Variants in CHRAC1 observed in about 807,000 individuals in gnomAD.
CHRAC1 encodes chromatin accessibility complex protein 1.
In CHRAC1, 6 loss-of-function variants were observed where a neutral mutation model predicts 9.1. That is an observed-to-expected ratio of 0.66 (90% CI 0.36 to 1.29). CHRAC1 has a LOEUF of 1.29. Ranked by LOEUF, CHRAC1 falls within the 50% of genes most tolerant of loss-of-function variation. The probability of loss-of-function intolerance (pLI) is 0.03; values close to 1 mark genes in which losing one functional copy is unlikely to be tolerated. For synonymous variants in CHRAC1, 73 were observed against 64.5 expected, an observed-to-expected ratio of 1.13 and a Z score of -0.63; for missense variants, 168 against 163.5, an observed-to-expected ratio of 1.03 and a Z score of -0.15.
chr8:140,512,276 G>A (rs1451653871), intron 1 of CHRAC1, among the ~76,000 whole-genome samples: 3 of 152,060 alleles, frequency 2.0e-5, no homozygotes, highest in African/African-American at 2.4e-5. Flanking sequence ...AGGGGCAGCC[G>A]GGCGCTTCAC....
Position 140,514,489 on chromosome 8 carries a change from C to A in CHRAC1, c.268C>A (p.Leu90Ile). 1 of 1,554,230 alleles carries A rather than the reference C, an allele frequency of 6.4e-7. No individual in the cohort carries two copies. The highest frequency in any genetic ancestry group is 1.3e-5 in the South Asian group (1 of 79,970). Reference sequence around the variant, plus strand: ...ACAGCAATCAGAAACTTTTCAGTTTCTTGCAGGTACTTAGTCTTTGAAACA... The same window carrying A: ...ACAGCAATCAGAAACTTTTCAGTTTATTGCAGGTACTTAGTCTTTGAAACA... Reference protein sequence around the residue: ...TAQQSETFQFLADILPKKILA... With the variant: ...TAQQSETFQFIADILPKKILA... The change falls in exon 2 of 3, where the codon CTT becomes ATT. Residue 90 changes from leucine to isoleucine, a missense_variant. Coordinates refer to ENST00000220913, the MANE Select transcript of CHRAC1 (RefSeq NM_017444.6).
intron 1 of CHRAC1, among the ~76,000 whole-genome samples, chr8:140,512,213 T>C (rs1331875921): frequency 6.6e-6 from 1 of 152,100 alleles, no homozygotes; most frequent in Non-Finnish European, 1.5e-5. Flanking sequence ...CTTTTTCTTG[T>C]CACTGGACTG....
intron 1 of CHRAC1, 92 bp downstream of exon 1, chr8:140,511,738 G>A: frequency 8.7e-7 from 1 of 1,147,496 alleles, no homozygotes. Context: ...TTAGGCCCGC[G>A]CGCCGCCGGC....
chr8:140,511,461 GGCCCGCCGGCTGCGGGCACCC>G lies in CHRAC1; in HGVS notation c.-36_-16del. On this transcript the variant is annotated 5_prime_UTR_variant, in exon 1 of 3. Coordinates refer to ENST00000220913, the MANE Select transcript of CHRAC1 (RefSeq NM_017444.6). ...GGGCAGGGCAGCCACTTCGCGGTCG[GGCCCGCCGGCTGCGGGCACCC>G]GCGCGACGGGCGGGAAGATGGCGGA... is the stretch of plus-strand genomic sequence containing the variant. 1 of 1,306,476 alleles carries G rather than the reference GGCCCGCCGGCTGCGGGCACCC, an allele frequency of 7.7e-7. No homozygotes were observed. The highest frequency in any genetic ancestry group is 9.8e-7 in the Non-Finnish European group (1 of 1,016,028). 80.9% of individuals were successfully genotyped at this position (1,306,476 alleles called of 1,614,324 possible). A position where few individuals can be genotyped will look rare whatever the true frequency, so the allele number is the denominator to read the frequency against.
At chr8:140,511,919 T>A in intron 1 of CHRAC1, 11 of 1,180,184 alleles carry the variant, frequency 9.3e-6, no homozygotes, top group Non-Finnish European at 1.2e-5. Flanking sequence ...CTCCCGCCCT[T>A]TGTCGCCTTC....
intron 2 of CHRAC1, chr8:140,514,719 A>G: frequency 2.3e-6 from 1 of 428,198 alleles, no homozygotes; most frequent in Admixed American, 4.5e-5. Context: ...AACAACATTC[A>G]CAAGATGTTG....
chr8:140,515,258 C>T lies in CHRAC1; in HGVS notation c.*11C>T, dbSNP rs751035606. ...GAAGCTGACTCCTAAACCAAAAGTG[C>T]TTTAAAAACCAGCCTGGCGAGGACA... is the stretch of plus-strand genomic sequence containing the variant. On this transcript the variant is annotated 3_prime_UTR_variant, in exon 3 of 3. Transcript: ENST00000220913. 5.6e-6 allele frequency: 9 copies of T among 1,612,874 alleles called. No homozygotes were observed. Among genetic ancestry groups the T allele is most frequent in the Non-Finnish European group, 7.6e-6 (9 of 1,179,656 alleles).
At chr8:140,511,835 C>A in intron 1 of CHRAC1, 189 bp downstream of exon 1, 2 of 773,842 alleles carry the variant, frequency 2.6e-6, no homozygotes, top group South Asian at 1.4e-5. Context: ...CACTTTCTCG[C>A]GCGTCTTCGC....
intron 1 of CHRAC1, among the ~76,000 whole-genome samples, chr8:140,513,667 G>T (rs1466645555): frequency 2.6e-5 from 4 of 151,428 alleles, no homozygotes; most frequent in Non-Finnish European, 4.4e-5. Context: ...GGATGGTCTC[G>T]ATCTCCTGAC....
Position 140,516,177 on chromosome 8 carries a change from T to C in CHRAC1, c.*930T>C, listed in dbSNP as rs2072335078. The C allele has an allele frequency of 6.7e-6, 1 of 148,788 alleles. No homozygotes were observed. The highest frequency in any genetic ancestry group is 1.5e-5 in the Non-Finnish European group (1 of 67,540). 9.2% of individuals were successfully genotyped at this position (148,788 alleles called of 1,614,324 possible). ...TTTTTTTTTTTTTAAAGACAGATTCTCACTCAGTTGCCCAGGCTGGATTGC... is the reference window on the plus strand; with the variant it reads ...TTTTTTTTTTTTTAAAGACAGATTCCCACTCAGTTGCCCAGGCTGGATTGC... On this transcript the variant is annotated 3_prime_UTR_variant, in exon 3 of 3. Coordinates refer to ENST00000220913, the MANE Select transcript of CHRAC1 (RefSeq NM_017444.6).
rs939371490 is a variant in CHRAC1, at chr8:140,516,940, G to A, written c.*1693G>A. On this transcript the variant is annotated 3_prime_UTR_variant, in exon 3 of 3. Coordinates refer to ENST00000220913, the MANE Select transcript of CHRAC1 (RefSeq NM_017444.6). ...GGCTTTTATAGTCTCTGTTGCTGCTGCTGAACTCAGCTGTTGTAGCACGAA... is the reference window on the plus strand; with the variant it reads ...GGCTTTTATAGTCTCTGTTGCTGCTACTGAACTCAGCTGTTGTAGCACGAA... The A allele has an allele frequency of 2.6e-5, 4 of 152,120 alleles. No individual in the cohort carries two copies. Among genetic ancestry groups the A allele is most frequent in the African/African-American group, 9.7e-5 (4 of 41,418 alleles). 9.4% of individuals were successfully genotyped at this position (152,120 alleles called of 1,614,324 possible).
At chr8:140,512,227 C>T (rs1415974063) in intron 1 of CHRAC1, among the ~76,000 whole-genome samples, 1 of 152,162 alleles carries the variant, frequency 6.6e-6, no homozygotes, top group Non-Finnish European at 1.5e-5. Flanking sequence ...TGGACTGCTT[C>T]GTGCTTTGAG....
intron 2 of CHRAC1, 41 bp from the exon 3 acceptor site, chr8:140,515,085 C>A: frequency 6.3e-7 from 1 of 1,594,754 alleles, no homozygotes; most frequent in Non-Finnish European, 8.6e-7. Context: ...TGTTCATAGT[C>A]TACCATAACC....
At chr8:140,514,813 T>C in intron 2 of CHRAC1, 1 of 361,560 alleles carries the variant, frequency 2.8e-6, no homozygotes, top group Non-Finnish European at 5.0e-6. Context: ...TGGGTCTACA[T>C]GGCCGTAGTT....
chr8:140,511,894 G>A, intron 1 of CHRAC1: 2 of 910,134 alleles, frequency 2.2e-6, no homozygotes, highest in South Asian at 2.8e-5. Context: ...TCTTCGCCTC[G>A]CCTACCGCGC....
intron 1 of CHRAC1, chr8:140,511,976 C>A: frequency 7.7e-7 from 1 of 1,295,232 alleles, no homozygotes; most frequent in Non-Finnish European, 1.0e-6. Flanking sequence ...TCGCCCCGCC[C>A]ACCCCACTGT....
In CHRAC1 at chr8:140,511,682, C is replaced by T. The variant is rs372339453; in HGVS notation, c.147+36C>T. The T allele has an allele frequency of 1.6e-3, 2,066 of 1,299,652 alleles. 5 individuals are homozygous for T. The highest frequency in any genetic ancestry group is 6.1e-3 in the Middle Eastern group (27 of 4,410). The allele number at this position is 1,299,652 out of a possible 1,614,324, so 80.5% of individuals were successfully genotyped here. A position where few individuals can be genotyped will look rare whatever the true frequency, so the allele number is the denominator to read the frequency against. On this transcript the variant is annotated intron_variant, in intron 1 of 2. Transcript: ENST00000220913. ...AGGGCGGGGGTGTGGGCCGCCCTTA[C>T]CCCTCGCGCCCCGCCCCGCCGGGCT...
rs114497687 is a variant in CHRAC1 at position 140,511,816 on chromosome 8, G to A, written c.147+170G>A. 7,762 of 772,382 alleles carry A rather than the reference G, an allele frequency of 0.01. 525 individuals are homozygous for A. The African/African-American group carries it at 0.13, about 13-fold the overall frequency. 47.8% of individuals were successfully genotyped at this position (772,382 alleles called of 1,614,324 possible). A position where few individuals can be genotyped will look rare whatever the true frequency, so the allele number is the denominator to read the frequency against. On this transcript the variant is annotated intron_variant, in intron 1 of 2. Coordinates refer to ENST00000220913, the MANE Select transcript of CHRAC1 (RefSeq NM_017444.6). ...CGCCGGCGCGCGCTTCGGTGCCCGC[G>A]CGCCCCCACACTTTCTCGCGCGTCT... is the stretch of plus-strand genomic sequence containing the variant.
intron 2 of CHRAC1, 147 bp downstream of exon 2, chr8:140,514,642 A>C: frequency 1.8e-6 from 1 of 565,192 alleles, no homozygotes; most frequent in Admixed American, 3.9e-5. Flanking sequence ...TGTCACAGGA[A>C]GATACTTTTA....
Sources: gnomAD v4.1 joint callset for allele counts (sites outside exome capture counted in the v4.1 genomes callset) on GRCh38, gnomAD v4.1.1 for gene constraint, MANE v1.5 for transcripts, NCBI Gene and HGNC (gene_info 2026-07-23, HGNC 2026-07-21) for gene names.